The following ADAMTS3 variants were observed in gnomAD, a reference collection of about 807,000 sequenced individuals.
The protein encoded by ADAMTS3 is A disintegrin and metalloproteinase with thrombospondin motifs 3.
Under a neutral mutation model 129.0 loss-of-function variants are expected in ADAMTS3, and 73 were observed. The ratio of observed to expected loss-of-function variants is 0.57; its 90% CI spans 0.47 to 0.69. ADAMTS3 has a LOEUF of 0.69. ADAMTS3 is among the 30% of genes least tolerant of loss of function. The pLI is 0.00. For missense variants in ADAMTS3, 1,457 were observed against 1,514.5 expected (o/e 0.96, Z 0.63); for synonymous variants, 477 against 510.8 (o/e 0.93, Z 0.89).
chr4:72,562,424 T>C (rs1335437787), intron 2 of ADAMTS3, among the ~76,000 whole-genome samples: 1 of 152,132 alleles, frequency 6.6e-6, no homozygotes, highest in African/African-American at 2.4e-5. Context: ...TACACAACAC[T>C]GTGTGGCAAC....
chr4:72,329,403 C>A (rs898231198), intron 5 of ADAMTS3, among the ~76,000 whole-genome samples: 1 of 152,114 alleles, frequency 6.6e-6, no homozygotes, highest in African/African-American at 2.4e-5. Context: ...AAGGGAAGAG[C>A]AAGTGCGAAA....
chr4:72,543,288 TG>T (rs1228935934), intron 3 of ADAMTS3, among the ~76,000 whole-genome samples: 1 of 152,074 alleles, frequency 6.6e-6, no homozygotes, highest in Non-Finnish European at 1.5e-5. Context: ...ACAGCTACCA[TG>T]GGGAACAGTA....
intron 5 of ADAMTS3, among the ~76,000 whole-genome samples, chr4:72,338,926 T>G (rs72862369): frequency 0.026 from 4,002 of 152,240 alleles, 176 homozygotes; most frequent in African/African-American, 0.091. Context: ...AAAGATAAAT[T>G]TAAAGAGACC....
intron 4 of ADAMTS3, among the ~76,000 whole-genome samples, chr4:72,414,099 G>A (rs1371954920): frequency 6.6e-6 from 1 of 151,464 alleles, no homozygotes; most frequent in Admixed American, 6.6e-5. Flanking sequence ...AGTTGTCTTG[G>A]CAAATGTAAA....
At chr4:72,294,782 T>A (rs1432808049) in intron 19 of ADAMTS3, among the ~76,000 whole-genome samples, 1 of 151,922 alleles carries the variant, frequency 6.6e-6, no homozygotes. Context: ...AACACTTGAG[T>A]GTAGATAATA....
chr4:72,324,047 T>G (rs1719634886), intron 5 of ADAMTS3, among the ~76,000 whole-genome samples: 1 of 152,074 alleles, frequency 6.6e-6, no homozygotes, highest in Non-Finnish European at 1.5e-5. Context: ...CAGGCTAGAA[T>G]GCAAAGTTCT....
intron 15 of ADAMTS3, among the ~76,000 whole-genome samples, chr4:72,308,038 T>C (rs1719133937): frequency 6.6e-6 from 1 of 151,926 alleles, no homozygotes; most frequent in African/African-American, 2.4e-5. Flanking sequence ...CTTTACATTA[T>C]TCACTGTGGA....
chr4:72,430,517 A>C (rs553557514), intron 3 of ADAMTS3, among the ~76,000 whole-genome samples: 15 of 152,148 alleles, frequency 9.9e-5, no homozygotes, highest in African/African-American at 3.6e-4. Flanking sequence ...ACTCCCAGTC[A>C]GTTGAGCATT....
At chr4:72,301,710 C>CT (rs201693618) in intron 17 of ADAMTS3, among the ~76,000 whole-genome samples, 80 of 146,420 alleles carry the variant, frequency 5.5e-4, no homozygotes, top group East Asian at 8.0e-4. Flanking sequence ...TTTGCAGAAA[C>CT]TTTTTTTTTT....
intron 5 of ADAMTS3, among the ~76,000 whole-genome samples, chr4:72,328,624 C>T (rs978246066): frequency 5.9e-5 from 9 of 151,980 alleles, no homozygotes; most frequent in African/African-American, 2.2e-4. Flanking sequence ...CAGTATTATC[C>T]TCATAGGATT....
chr4:72,500,605 G>A (rs1476632337), intron 3 of ADAMTS3, among the ~76,000 whole-genome samples: 1 of 152,048 alleles, frequency 6.6e-6, no homozygotes, highest in Non-Finnish European at 1.5e-5. Flanking sequence ...GTACAGAAAA[G>A]CTCTTTAGTT....
At chr4:72,360,563 A>G (rs1244580465) in intron 4 of ADAMTS3, among the ~76,000 whole-genome samples, 1 of 151,976 alleles carries the variant, frequency 6.6e-6, no homozygotes, top group African/African-American at 2.4e-5. Flanking sequence ...AATTTTACGT[A>G]AATGAACATA....
At chr4:72,457,423 T>A (rs1036850654) in intron 3 of ADAMTS3, among the ~76,000 whole-genome samples, 1 of 151,698 alleles carries the variant, frequency 6.6e-6, no homozygotes, top group African/African-American at 2.4e-5. Flanking sequence ...GAGAACTACC[T>A]CAAATTAGAT....
chr4:72,322,686 C>T (rs1214081717), intron 6 of ADAMTS3, among the ~76,000 whole-genome samples: 2 of 152,192 alleles, frequency 1.3e-5, no homozygotes, highest in South Asian at 2.1e-4. Context: ...AACACACACT[C>T]GATGATAACA....
chr4:72,293,451 G>A (rs984073069), intron 19 of ADAMTS3, among the ~76,000 whole-genome samples: 20 of 152,140 alleles, frequency 1.3e-4, no homozygotes, highest in Non-Finnish European at 2.2e-4. Flanking sequence ...AGAAGGTTAC[G>A]TAAAAATCCA....
intron 4 of ADAMTS3, among the ~76,000 whole-genome samples, chr4:72,369,847 C>T (rs188357921): frequency 2.1e-3 from 312 of 150,966 alleles, no homozygotes; most frequent in Middle Eastern, 6.9e-3. Flanking sequence ...GTTTAACTGA[C>T]ATTCTTAAAA....
intron 10 of ADAMTS3, among the ~76,000 whole-genome samples, chr4:72,318,326 A>C (rs1262971743): frequency 6.6e-6 from 1 of 152,228 alleles, no homozygotes; most frequent in Non-Finnish European, 1.5e-5. Context: ...CAAGTTGCTT[A>C]ATCTCTAAGT....
At chr4:72,475,565 G>C (rs188429591) in intron 3 of ADAMTS3, among the ~76,000 whole-genome samples, 4 of 151,824 alleles carry the variant, frequency 2.6e-5, no homozygotes, top group African/African-American at 9.7e-5. Context: ...ATTACAGTTG[G>C]AGTCTTTAAC....
chr4:72,466,251 T>C (rs894437380), intron 3 of ADAMTS3, among the ~76,000 whole-genome samples: 3 of 151,990 alleles, frequency 2.0e-5, no homozygotes, highest in African/African-American at 7.2e-5. Flanking sequence ...GCTGGCACTA[T>C]GGTTCACAGG....
Sources: allele counts gnomAD v4.1 joint callset (sites outside exome capture counted in the v4.1 genomes callset), GRCh38; gene constraint gnomAD v4.1.1; transcripts MANE v1.5; gene names NCBI Gene and HGNC (gene_info 2026-07-23, HGNC 2026-07-21).